Variants in PLPP4 observed in about 807,000 individuals in gnomAD.
The protein encoded by PLPP4 is diacylglycerol pyrophosphate like 2.
PLPP4 carries 20 observed loss-of-function variants against 32.2 expected under a neutral mutation model. The ratio of observed to expected loss-of-function variants is 0.62; its 90% CI spans 0.44 to 0.90. The LOEUF (loss-of-function observed/expected upper bound fraction) is 0.90, where lower values mean the gene tolerates loss of function less well. Among genes scored for constraint, PLPP4 ranks in the 40% least tolerant of loss-of-function variants. PLPP4 has a pLI of 0.00. For missense variants in PLPP4, 257 were observed against 353.1 expected (o/e 0.73, Z 2.18); for synonymous variants, 127 against 133.0 (o/e 0.95, Z 0.31).
intron 1 of PLPP4, among the ~76,000 whole-genome samples, chr10:120,469,651 A>C (rs1254952392): frequency 6.6e-6 from 1 of 152,216 alleles, no homozygotes; most frequent in African/African-American, 2.4e-5. Context: ...ATACTTGTGA[A>C]AATTAAAGCA....
At chr10:120,565,997 T>C (rs1004859236) in intron 5 of PLPP4, among the ~76,000 whole-genome samples, 3 of 152,188 alleles carry the variant, frequency 2.0e-5, no homozygotes, top group Admixed American at 2.0e-4. Flanking sequence ...AAAGTTTAAT[T>C]ACTATATTTT....
intron 1 of PLPP4, among the ~76,000 whole-genome samples, chr10:120,479,094 T>C (rs1010684493): frequency 5.3e-5 from 8 of 152,152 alleles, no homozygotes; most frequent in South Asian, 4.2e-4. Flanking sequence ...GGCATGGTGG[T>C]GGGCGCCTGT....
chr10:120,462,312 C>T (rs1848089853), intron 1 of PLPP4, among the ~76,000 whole-genome samples: 1 of 152,060 alleles, frequency 6.6e-6, no homozygotes, highest in African/African-American at 2.4e-5. Flanking sequence ...AGGGGTCATT[C>T]CCACAGAGGC....
chr10:120,534,604 C>T (rs1418108711), intron 5 of PLPP4, among the ~76,000 whole-genome samples: 1 of 152,056 alleles, frequency 6.6e-6, no homozygotes, highest in East Asian at 1.9e-4. Flanking sequence ...TTAAATGTGT[C>T]CTATATTTCT....
chr10:120,520,506 T>G (rs1009313004), intron 4 of PLPP4, among the ~76,000 whole-genome samples: 9 of 152,200 alleles, frequency 5.9e-5, no homozygotes, highest in African/African-American at 2.2e-4. Context: ...CATGCCAATA[T>G]CCAACAATAG....
chr10:120,575,002 G>C (rs1187471383), intron 5 of PLPP4, 129 bp from the exon 6 acceptor site: 1 of 865,752 alleles, frequency 1.2e-6, no homozygotes, highest in Non-Finnish European at 1.8e-6. Flanking sequence ...AGATTGCCTA[G>C]ATAGTGCCTG....
At chr10:120,520,416 C>T (rs138236961) in intron 4 of PLPP4, among the ~76,000 whole-genome samples, 28 of 152,272 alleles carry the variant, frequency 1.8e-4, no homozygotes, top group East Asian at 5.8e-4. Context: ...ATAGATCAAG[C>T]GGTAGAGTGG....
chr10:120,509,496 A>G (rs1845641058), intron 2 of PLPP4, among the ~76,000 whole-genome samples: 1 of 152,134 alleles, frequency 6.6e-6, no homozygotes, highest in African/African-American at 2.4e-5. Flanking sequence ...GTGCAGTACA[A>G]TTAGTAACTT....
At chr10:120,586,796 G>A (rs74466257) in intron 6 of PLPP4, among the ~76,000 whole-genome samples, 6,421 of 152,194 alleles carry the variant, frequency 0.042, 186 homozygotes, top group Admixed American at 0.094. Context: ...GTCATTGTTC[G>A]CCACTCTAAT....
At chr10:120,582,868 C>A (rs1481577691) in intron 6 of PLPP4, among the ~76,000 whole-genome samples, 15 of 147,918 alleles carry the variant, frequency 1.0e-4, no homozygotes, top group African/African-American at 3.7e-4. Context: ...GCGTGTTCTC[C>A]ACTGGGCTCA....
chr10:120,503,249 G>A (rs1264649572), intron 1 of PLPP4, among the ~76,000 whole-genome samples: 3 of 152,200 alleles, frequency 2.0e-5, no homozygotes, highest in Non-Finnish European at 2.9e-5. Context: ...ATCTGAAGTG[G>A]TGCTGAACTT....
In PLPP4 at chr10:120,482,705, C is replaced by T. The variant is rs187005054; in HGVS notation, c.57-21113C>T. 6.2e-3 allele frequency among the ~76,000 whole-genome samples: 940 copies of T among 151,856 alleles called. 2 individuals are homozygous for T. Among genetic ancestry groups the T allele is most frequent in the Non-Finnish European group, 8.7e-3 (591 of 67,924 alleles). ...AGATCACGAGGTCAGGAGATCGAGACCATCCTGGCGAACAGGGTGAAACCC... is the reference window on the plus strand; with the variant it reads ...AGATCACGAGGTCAGGAGATCGAGATCATCCTGGCGAACAGGGTGAAACCC... On this transcript the variant is annotated intron_variant, in intron 1 of 6. Coordinates refer to ENST00000398250, the MANE Select transcript of PLPP4 (RefSeq NM_001030059.3).
At chr10:120,525,315 C>T (rs962109710) in intron 5 of PLPP4, among the ~76,000 whole-genome samples, 129 of 152,322 alleles carry the variant, frequency 8.5e-4, no homozygotes, top group African/African-American at 2.9e-3. Context: ...GACCAGTGCA[C>T]TCAAATTGTG....
intron 1 of PLPP4, among the ~76,000 whole-genome samples, chr10:120,501,151 T>C (rs1465071765): frequency 1.3e-5 from 2 of 152,176 alleles, no homozygotes; most frequent in African/African-American, 2.4e-5. Context: ...GATGAGCCCC[T>C]CTCAATTTCC....
chr10:120,457,824 C>T (rs1847860519), intron 1 of PLPP4, among the ~76,000 whole-genome samples: 1 of 152,188 alleles, frequency 6.6e-6, no homozygotes, highest in Admixed American at 6.5e-5. Context: ...GCTTTAGCGC[C>T]CGCGGTCCTG....
chr10:120,510,323 C>T (rs2133882929), intron 2 of PLPP4, among the ~76,000 whole-genome samples: 1 of 152,304 alleles, frequency 6.6e-6, no homozygotes, highest in African/African-American at 2.4e-5. Context: ...AGTTAATAAG[C>T]TCTGACCACT....
intron 1 of PLPP4, among the ~76,000 whole-genome samples, chr10:120,472,873 C>G (rs1024394465): frequency 1.1e-4 from 17 of 152,014 alleles, no homozygotes; most frequent in African/African-American, 4.1e-4. Context: ...TCTATTGTGT[C>G]TATTCTGCTG....
intron 5 of PLPP4, among the ~76,000 whole-genome samples, chr10:120,553,968 C>A (rs947264529): frequency 6.6e-6 from 1 of 152,210 alleles, no homozygotes; most frequent in Non-Finnish European, 1.5e-5. Context: ...ACATTCAGCT[C>A]CCAGTATGCA....
At chr10:120,581,094 C>A in intron 6 of PLPP4, 1 of 1,253,018 alleles carries the variant, frequency 8.0e-7, no homozygotes, top group South Asian at 1.3e-5. Flanking sequence ...ATCCTGCTTT[C>A]AGCCTCAAGA....
Sources: allele counts gnomAD v4.1 joint callset (sites outside exome capture counted in the v4.1 genomes callset), GRCh38; gene constraint gnomAD v4.1.1; transcripts MANE v1.5; gene names NCBI Gene and HGNC (gene_info 2026-07-23, HGNC 2026-07-21).